Variants in BARD1 observed in about 807,000 individuals in gnomAD.
BARD1 encodes the protein BRCA1-associated RING domain protein 1.
A neutral mutation model predicts 77.0 loss-of-function variants in BARD1; 73 were observed. That is an observed-to-expected ratio of 0.95 (90% confidence interval 0.79 to 1.15). BARD1 has a LOEUF of 1.15. BARD1 is among the 50% of genes most tolerant of loss of function. The pLI, the probability that BARD1 is intolerant of heterozygous loss-of-function variation, is 0.00. For synonymous variants in BARD1, 384 were observed against 338.0 expected, an observed-to-expected ratio of 1.14 and a Z score of -1.49; for missense variants, 993 against 938.8, an observed-to-expected ratio of 1.06 and a Z score of -0.75.
intron 9 of BARD1, among the ~76,000 whole-genome samples, chr2:214,734,402 T>C (rs1040432622): frequency 1.3e-5 from 2 of 152,066 alleles, no homozygotes; most frequent in African/African-American, 4.8e-5. Flanking sequence ...TTAAATTGAG[T>C]AGAACCTGAG....
chr2:214,764,957 G>GC (rs11420113), intron 6 of BARD1, among the ~76,000 whole-genome samples: 62,917 of 151,962 alleles, frequency 0.41, 13,125 homozygotes, highest in South Asian at 0.5. Flanking sequence ...CCCTTCATCT[G>GC]CCCTACTATC....
chr2:214,728,751 G>T lies in BARD1; in HGVS notation c.2259C>A (p.Gly753=), dbSNP rs753441393. The stretch of plus-strand genomic sequence containing the variant: ...AGCTCGAAGGAGCCTTCCAGACTTT[G>T]CCCTGCCGAACCCTCTCTGGGTGAT... ...CNYHPERVRQ[G]KVWKAPSSWF... is the part of the protein sequence containing the mutation. The change falls in exon 11 of 11, where the codon GGC becomes GGA. Residue 753 remains glycine, a synonymous_variant. Coordinates refer to ENST00000260947, the MANE Select transcript of BARD1 (RefSeq NM_000465.4). 2 of 1,614,044 alleles carry T rather than the reference G, an allele frequency of 1.2e-6. No individual in the cohort carries two copies. The highest frequency in any genetic ancestry group is 1.7e-6 in the Non-Finnish European group (2 of 1,180,044).
intron 4 of BARD1, among the ~76,000 whole-genome samples, chr2:214,779,158 G>T (rs182665385): frequency 6.6e-6 from 1 of 152,094 alleles, no homozygotes; most frequent in African/African-American, 2.4e-5. Flanking sequence ...TGGTCATGTT[G>T]TAAGGTCCCT....
chr2:214,728,067 T>C lies in BARD1; in HGVS notation c.*609A>G. 4.4e-6 allele frequency: 1 copy of C among 227,024 alleles called. No individual in the cohort carries two copies. The highest frequency in any genetic ancestry group is 8.8e-6 in the Non-Finnish European group (1 of 114,216). 14.1% of individuals were successfully genotyped at this position (227,024 alleles called of 1,614,324 possible). A position where few individuals can be genotyped will look rare whatever the true frequency, so the allele number is the denominator to read the frequency against. On this transcript the variant is annotated 3_prime_UTR_variant, in exon 11 of 11. Transcript: ENST00000260947. ...CACACAAAAAAACCAATGTTAATGATTAAATCACAATTTCCTGATGATATA... is the reference window on the plus strand; with the variant it reads ...CACACAAAAAAACCAATGTTAATGACTAAATCACAATTTCCTGATGATATA...
intron 1 of BARD1, among the ~76,000 whole-genome samples, chr2:214,799,103 C>A (rs1051942546): frequency 1.3e-5 from 2 of 151,924 alleles, no homozygotes; most frequent in African/African-American, 4.8e-5. Context: ...GGTGACAGAG[C>A]GAGACCCTGT....
At position 214,792,833 on chromosome 2, in the gene BARD1, C is replaced by G. The variant is rs377193584; in HGVS notation, c.216-388G>C. Among the ~76,000 whole-genome samples, 174 of 152,150 alleles carry G rather than the reference C, an allele frequency of 1.1e-3. 2 individuals are homozygous for G. Among genetic ancestry groups the G allele is most frequent in the African/African-American group, 4.1e-3 (170 of 41,528 alleles). ...AACTACTGCAGACACTGGGAAAGAC[C>G]TTCTGTTTTGTTTTGGGACTAGTAT... On this transcript the variant is annotated intron_variant, in intron 2 of 10. Transcript: ENST00000260947.
chr2:214,805,852 T>C (rs1387379119), intron 1 of BARD1, among the ~76,000 whole-genome samples: 1 of 152,306 alleles, frequency 6.6e-6, no homozygotes, highest in Non-Finnish European at 1.5e-5. Flanking sequence ...CACGTTACAA[T>C]TGTCATAGAT....
intron 7 of BARD1, among the ~76,000 whole-genome samples, chr2:214,751,138 TATATATATA>T (rs1559393086): frequency 9.1e-5 from 4 of 44,140 alleles, no homozygotes; most frequent in Non-Finnish European, 1.7e-4. Context: ...TATATATATA[TATATATATA>T]TATATTTTTT....
At chr2:214,764,377 G>T (rs1420768960) in intron 6 of BARD1, among the ~76,000 whole-genome samples, 1 of 151,754 alleles carries the variant, frequency 6.6e-6, no homozygotes, top group Non-Finnish European at 1.5e-5. Context: ...ACCACATCAG[G>T]AAAGGTGGCC....
intron 7 of BARD1, among the ~76,000 whole-genome samples, chr2:214,751,135 ATATATATATATATATATTTTT>A (rs1693411703): frequency 3.6e-4 from 6 of 16,870 alleles, no homozygotes; most frequent in East Asian, 5.4e-3. Context: ...ATATATATAT[ATATATATATATATATATTTTT>A]TTTTTTTTTT....
chr2:214,760,597 T>C (rs1693910337), intron 6 of BARD1, among the ~76,000 whole-genome samples: 1 of 152,212 alleles, frequency 6.6e-6, no homozygotes, highest in South Asian at 2.1e-4. Context: ...AGACTAACTC[T>C]ATGGCTGGAT....
intron 7 of BARD1, among the ~76,000 whole-genome samples, chr2:214,751,109 GTGTGTGTGTATATATA>G (rs1368291817): frequency 2.3e-3 from 24 of 10,236 alleles, no homozygotes; most frequent in Non-Finnish European, 4.8e-3. Flanking sequence ...GTGTGTGTGT[GTGTGTGTGTATATATA>G]TATATATATA....
At chr2:214,763,151 C>T (rs1207678011) in intron 6 of BARD1, among the ~76,000 whole-genome samples, 1 of 152,142 alleles carries the variant, frequency 6.6e-6, no homozygotes, top group African/African-American at 2.4e-5. Flanking sequence ...GCCTTGAGTA[C>T]CTTAGCACCC....
At chr2:214,748,406 G>C (rs1338792482) in intron 7 of BARD1, among the ~76,000 whole-genome samples, 1 of 152,026 alleles carries the variant, frequency 6.6e-6, no homozygotes, top group Non-Finnish European at 1.5e-5. Context: ...TGATTTTATA[G>C]AGATTAGATA....
chr2:214,776,355 G>A (rs565896248), intron 4 of BARD1, among the ~76,000 whole-genome samples: 3 of 152,164 alleles, frequency 2.0e-5, no homozygotes, highest in African/African-American at 2.4e-5. Flanking sequence ...TGGTGCAAAA[G>A]TAATTGTGGT....
intron 3 of BARD1, 103 bp from the exon 4 acceptor site, chr2:214,781,612 T>G: frequency 1.2e-6 from 1 of 843,052 alleles, no homozygotes; most frequent in South Asian, 1.6e-5. Context: ...TGTATCATCT[T>G]TTAATTATGT....
At chr2:214,766,097 A>C (rs2106072618) in intron 6 of BARD1, among the ~76,000 whole-genome samples, 1 of 152,324 alleles carries the variant, frequency 6.6e-6, no homozygotes, top group South Asian at 2.1e-4. Flanking sequence ...ATTAACTGAA[A>C]AGAATAAAAT....
chr2:214,799,757 T>A (rs527450826), intron 1 of BARD1, among the ~76,000 whole-genome samples: 2 of 152,302 alleles, frequency 1.3e-5, no homozygotes, highest in South Asian at 4.1e-4. Context: ...TTCTGCTCCA[T>A]CTCTTCCCTT....
rs771166473 is a variant in BARD1 at position 214,799,662 on chromosome 2, TCTCTC to T, written c.159-2550_159-2546del. 2.8e-3 allele frequency among the ~76,000 whole-genome samples: 422 copies of T among 151,742 alleles called. 3 individuals carry two copies. The highest frequency in any genetic ancestry group is 9.2e-3 in the African/African-American group (379 of 41,316). The stretch of plus-strand genomic sequence containing the variant: ...AGATATTCATAATACTTGCCTTTCT[TCTCTC>T]ATTTGCATCTACACATGAACAGGTA... On this transcript the variant is annotated intron_variant, in intron 1 of 10. Coordinates refer to ENST00000260947, the MANE Select transcript of BARD1 (RefSeq NM_000465.4).
Sources: gnomAD v4.1 joint callset for allele counts (sites outside exome capture counted in the v4.1 genomes callset) on GRCh38, gnomAD v4.1.1 for gene constraint, MANE v1.5 for transcripts, NCBI Gene and HGNC (gene_info 2026-07-23, HGNC 2026-07-21) for gene names.